NR3C2: variants seen among roughly 807,000 people sequenced by gnomAD.
NR3C2 encodes the protein mineralocorticoid receptor.
In NR3C2, 15 loss-of-function variants were observed where a neutral mutation model predicts 86.4. That is an observed-to-expected ratio of 0.17 (90% CI 0.12 to 0.27). NR3C2 has a LOEUF of 0.27. NR3C2 is among the 10% of genes least tolerant of loss of function. The probability of loss-of-function intolerance (pLI) is 1.00; values close to 1 mark genes in which losing one functional copy is unlikely to be tolerated. For missense variants in NR3C2, 960 were observed against 1,195.6 expected (o/e 0.80, Z 2.91); for synonymous variants, 458 against 450.5 (o/e 1.02, Z -0.21).
intron 2 of NR3C2, among the ~76,000 whole-genome samples, chr4:148,317,057 T>C (rs950748597): frequency 4.6e-5 from 7 of 152,208 alleles, no homozygotes; most frequent in African/African-American, 7.2e-5. Context: ...CCACCCAAAG[T>C]GCTGGGATTA....
chr4:148,115,692 T>C (rs1732244012), intron 7 of NR3C2, among the ~76,000 whole-genome samples: 1 of 152,220 alleles, frequency 6.6e-6, no homozygotes, highest in South Asian at 2.1e-4. Context: ...ACTTCTACTA[T>C]TATGTTAATA....
At chr4:148,200,607 T>A (rs999410337) in intron 3 of NR3C2, among the ~76,000 whole-genome samples, 13 of 152,210 alleles carry the variant, frequency 8.5e-5, no homozygotes, top group African/African-American at 2.2e-4. Context: ...CCTGTTACTA[T>A]CTGACTTTAG....
At chr4:148,128,735 A>ATGAGTGG (rs1732867275) in intron 6 of NR3C2, among the ~76,000 whole-genome samples, 1 of 152,038 alleles carries the variant, frequency 6.6e-6, no homozygotes, top group African/African-American at 2.4e-5. Flanking sequence ...CATGCTTACC[A>ATGAGTGG]CTCAACTCCT....
chr4:148,136,085 A>C (rs1733318424), intron 6 of NR3C2, among the ~76,000 whole-genome samples: 4 of 145,300 alleles, frequency 2.8e-5, no homozygotes, highest in African/African-American at 1.0e-4. Flanking sequence ...AACAAAAAAA[A>C]AAAACACCAC....
chr4:148,133,270 T>C (rs1025198987), intron 6 of NR3C2, among the ~76,000 whole-genome samples: 1 of 152,066 alleles, frequency 6.6e-6, no homozygotes, highest in African/African-American at 2.4e-5. Context: ...TAGGCTAGGC[T>C]ATAGATTTTA....
intron 2 of NR3C2, among the ~76,000 whole-genome samples, chr4:148,388,312 A>ATACTTAATAGGT (rs1205140064): frequency 3.3e-5 from 5 of 152,208 alleles, no homozygotes; most frequent in Non-Finnish European, 5.9e-5. Context: ...TATTTGCATC[A>ATACTTAATAGGT]TACTTAATAG....
intron 6 of NR3C2, among the ~76,000 whole-genome samples, chr4:148,122,653 C>T (rs933271062): frequency 3.9e-5 from 6 of 152,268 alleles, no homozygotes; most frequent in African/African-American, 1.2e-4. Context: ...TCAGGGACCC[C>T]GAACGGAGGG....
intron 2 of NR3C2, among the ~76,000 whole-genome samples, chr4:148,346,718 T>C (rs955382578): frequency 3.3e-5 from 5 of 152,170 alleles, no homozygotes; most frequent in African/African-American, 1.2e-4. Flanking sequence ...TACTGATATG[T>C]TGAAATAATA....
chr4:148,084,746 G>A (rs947844408), intron 8 of NR3C2, among the ~76,000 whole-genome samples: 5 of 151,984 alleles, frequency 3.3e-5, no homozygotes, highest in South Asian at 2.1e-4. Context: ...AAAATCCATC[G>A]GTGTGCTGTA....
intron 3 of NR3C2, among the ~76,000 whole-genome samples, chr4:148,239,669 G>A (rs554746232): frequency 1.3e-5 from 2 of 152,272 alleles, no homozygotes; most frequent in African/African-American, 4.8e-5. Context: ...TTGCTAATAA[G>A]CTCATTATAT....
intron 6 of NR3C2, among the ~76,000 whole-genome samples, chr4:148,128,222 T>G (rs776203449): frequency 5.3e-5 from 8 of 152,196 alleles, no homozygotes; most frequent in Non-Finnish European, 1.0e-4. Context: ...CTTACCATCA[T>G]TATGTCAACC....
At chr4:148,266,222 G>A (rs1267328374) in intron 2 of NR3C2, among the ~76,000 whole-genome samples, 7 of 151,964 alleles carry the variant, frequency 4.6e-5, no homozygotes, top group Non-Finnish European at 8.8e-5. Flanking sequence ...ACAGGTGTGC[G>A]CCACCACGCC....
chr4:148,347,833 G>A (rs985413228), intron 2 of NR3C2, among the ~76,000 whole-genome samples: 5 of 151,760 alleles, frequency 3.3e-5, no homozygotes, highest in East Asian at 3.9e-4. Context: ...CTGTAGCAGC[G>A]GTGGTTTATA....
At chr4:148,387,425 T>C (rs763407737) in intron 2 of NR3C2, among the ~76,000 whole-genome samples, 1 of 152,220 alleles carries the variant, frequency 6.6e-6, no homozygotes, top group Non-Finnish European at 1.5e-5. Context: ...CACTTTAGCC[T>C]GAGTTTTCTG....
chr4:148,090,759 G>A (rs1374227455), intron 8 of NR3C2, among the ~76,000 whole-genome samples: 1 of 152,196 alleles, frequency 6.6e-6, no homozygotes, highest in Non-Finnish European at 1.5e-5. Context: ...CAATAACAAT[G>A]CATATTAACC....
intron 1 of NR3C2, among the ~76,000 whole-genome samples, chr4:148,438,885 T>G (rs1750201538): frequency 6.6e-6 from 1 of 152,130 alleles, no homozygotes. Flanking sequence ...ATTGAAAAAA[T>G]TTTCAACTAT....
At chr4:148,136,827 C>T (rs964606666) in intron 6 of NR3C2, among the ~76,000 whole-genome samples, 7 of 152,188 alleles carry the variant, frequency 4.6e-5, no homozygotes, top group African/African-American at 9.6e-5. Context: ...ACCTGTCATC[C>T]GTCATTTGTC....
chr4:148,441,566 C>T (rs898882866), intron 1 of NR3C2, among the ~76,000 whole-genome samples: 1 of 152,158 alleles, frequency 6.6e-6, no homozygotes. Flanking sequence ...AGCCACGCAC[C>T]TAAAATTCAG....
At chr4:148,221,095 A>T (rs193244204) in intron 3 of NR3C2, among the ~76,000 whole-genome samples, 1 of 152,280 alleles carries the variant, frequency 6.6e-6, no homozygotes, top group East Asian at 1.9e-4. Context: ...TCTGTACATT[A>T]TATGGGGCTC....
Sources: allele counts gnomAD v4.1 joint callset (sites outside exome capture counted in the v4.1 genomes callset), GRCh38; gene constraint gnomAD v4.1.1; transcripts MANE v1.5; gene names NCBI Gene and HGNC (gene_info 2026-07-23, HGNC 2026-07-21).